Variants in KALRN observed in about 807,000 individuals in gnomAD.
KALRN encodes kalirin.
In KALRN, 70 loss-of-function variants were observed where a neutral mutation model predicts 353.7. That is an observed-to-expected ratio of 0.20 (90% confidence interval 0.16 to 0.24). The LOEUF is 0.24. Among genes scored for constraint, KALRN ranks in the 10% least tolerant of loss-of-function variants. KALRN has a pLI of 1.00. For synonymous variants in KALRN, 1,391 were observed against 1,434.8 expected (o/e 0.97, Z 0.69); for missense variants, 2,791 against 3,756.7 (o/e 0.74, Z 6.72).
At chr3:124,256,992 G>T (rs1315238422) in intron 3 of KALRN, among the ~76,000 whole-genome samples, 1 of 152,160 alleles carries the variant, frequency 6.6e-6, no homozygotes, top group Non-Finnish European at 1.5e-5. Context: ...TTTGCAAAAA[G>T]AACCAGACAT....
At chr3:124,573,430 G>C (rs569984716) in intron 34 of KALRN, among the ~76,000 whole-genome samples, 1 of 152,058 alleles carries the variant, frequency 6.6e-6, no homozygotes, top group Admixed American at 6.5e-5. Flanking sequence ...TGAGTACAGG[G>C]TGTTTCCAGC....
At chr3:124,627,287 G>A (rs1276049602) in intron 34 of KALRN, among the ~76,000 whole-genome samples, 1 of 152,088 alleles carries the variant, frequency 6.6e-6, no homozygotes, top group Non-Finnish European at 1.5e-5. Flanking sequence ...CCATAACTTG[G>A]GCCATGGTTG....
chr3:124,645,843 G>T (rs945914762), intron 37 of KALRN, among the ~76,000 whole-genome samples: 1 of 152,192 alleles, frequency 6.6e-6, no homozygotes, highest in Non-Finnish European at 1.5e-5. Flanking sequence ...TGGGTCATAT[G>T]ATAATTCTAT....
intron 10 of KALRN, among the ~76,000 whole-genome samples, chr3:124,349,261 T>A (rs2082597190): frequency 6.6e-6 from 1 of 152,114 alleles, no homozygotes; most frequent in Non-Finnish European, 1.5e-5. Flanking sequence ...TACTTATACC[T>A]AGAGTAGTGA....
At position 124,495,957 on chromosome 3, in the gene KALRN, G is replaced by GTA. The variant is rs201949824; in HGVS notation, c.4833-352_4833-351dup. ...GACCCGTTCCCAAGTGTGTGTATGT[G>GTA]TATGTATGTATATATATATATATAT... On this transcript the variant is annotated intron_variant, in intron 32 of 59. Coordinates refer to ENST00000682506, the MANE Select transcript of KALRN (RefSeq NM_001388419.1). 1.1e-4 allele frequency among the ~76,000 whole-genome samples: 5 copies of GTA among 44,218 alleles called. 1 individual carries two copies. Among genetic ancestry groups the GTA allele is most frequent in the African/African-American group, 3.5e-4 (4 of 11,476 alleles). 29.0% of individuals were successfully genotyped at this position (44,218 alleles called of 152,430 possible).
At chr3:124,151,479 A>C (rs1377790991) in intron 1 of KALRN, among the ~76,000 whole-genome samples, 2 of 152,154 alleles carry the variant, frequency 1.3e-5, no homozygotes, top group Non-Finnish European at 2.9e-5. Context: ...TTTATTCGCC[A>C]TTTGGATATC....
Position 124,279,467 on chromosome 3 carries a change from G to A in KALRN, c.969+10212G>A, listed in dbSNP as rs544081934. Among the ~76,000 whole-genome samples, 4 of 152,272 alleles carry A rather than the reference G, an allele frequency of 2.6e-5. No homozygotes were observed. In the East Asian group the frequency reaches 5.8e-4, roughly 22 times the overall value. ...AGATGCCTGGGGAGGCTCTCTTGAG[G>A]GGCATGCATGGGGAATACAGCCCCA... On this transcript the variant is annotated intron_variant, in intron 5 of 59. Transcript: ENST00000682506.
At chr3:124,589,374 C>T (rs2713658) in intron 34 of KALRN, among the ~76,000 whole-genome samples, 99,110 of 151,898 alleles carry the variant, frequency 0.65, 33,185 homozygotes, top group East Asian at 0.83. Flanking sequence ...GGCAGGAGGA[C>T]TGTGTGAGCC....
intron 1 of KALRN, among the ~76,000 whole-genome samples, chr3:124,105,864 G>T (rs1287883046): frequency 6.6e-6 from 1 of 152,224 alleles, no homozygotes. Context: ...GAATGTGTTT[G>T]AGGCTGGGGT....
chr3:124,381,854 A>G (rs1442745428), intron 10 of KALRN, among the ~76,000 whole-genome samples: 1 of 152,182 alleles, frequency 6.6e-6, no homozygotes, highest in Admixed American at 6.5e-5. Context: ...CCATGGAGAT[A>G]CATTGTTACT....
At chr3:124,442,660 G>A (rs955098616) in intron 19 of KALRN, among the ~76,000 whole-genome samples, 72 of 152,282 alleles carry the variant, frequency 4.7e-4, no homozygotes, top group African/African-American at 1.6e-3. Context: ...CAGCCACAAT[G>A]ACATCCCTAG....
intron 1 of KALRN, among the ~76,000 whole-genome samples, chr3:124,073,952 A>G (rs1453140936): frequency 6.6e-6 from 1 of 152,176 alleles, no homozygotes; most frequent in African/African-American, 2.4e-5. Flanking sequence ...ATCATGCTAT[A>G]GGATGACTGA....
Position 124,632,569 on chromosome 3 carries a change from C to G in KALRN, c.5332C>G (p.Arg1778Gly). Residue 1778 changes from arginine (R) to glycine (G), a missense_variant, in exon 35 of 60, where the codon CGT becomes GGT. Arg to Gly is a moderately radical substitution (Grantham distance 125). This residue lies in a region of KALRN where 1,065 missense variants were observed against 1,156.4 expected (regional missense o/e 0.92). Transcript: ENST00000682506. Reference sequence around the variant, plus strand: ...TAAGAAGTGGCTGACGAGTCCTGTGCGTCGGCTTAACAGCGGGAAGGCAGA... The same window carrying G: ...TAAGAAGTGGCTGACGAGTCCTGTGGGTCGGCTTAACAGCGGGAAGGCAGA... ...TLKKWLTSPV[R>G]RLNSGKADGN... is the part of the protein sequence containing the mutation. 1 of 1,614,182 alleles carries G rather than the reference C, an allele frequency of 6.2e-7. No homozygotes were observed. The highest frequency in any genetic ancestry group is 8.5e-7 in the Non-Finnish European group (1 of 1,180,038).
chr3:124,316,789 A>G (rs949841043), intron 6 of KALRN, among the ~76,000 whole-genome samples: 1 of 152,256 alleles, frequency 6.6e-6, no homozygotes, highest in African/African-American at 2.4e-5. Context: ...CTCTGAGAAC[A>G]TAGGAATTTT....
At chr3:124,101,250 G>T (rs34318133) in intron 1 of KALRN, among the ~76,000 whole-genome samples, 5 of 152,158 alleles carry the variant, frequency 3.3e-5, no homozygotes, top group African/African-American at 1.2e-4. Context: ...TCTCAGTTCA[G>T]GCTGCTGAGG....
chr3:124,713,930 C>T (rs1316900221), intron 58 of KALRN, among the ~76,000 whole-genome samples: 2 of 152,140 alleles, frequency 1.3e-5, no homozygotes, highest in African/African-American at 4.8e-5. Context: ...TTTTCAACTA[C>T]CATGTTAGTC....
At chr3:124,133,915 G>A (rs2065609779) in intron 1 of KALRN, among the ~76,000 whole-genome samples, 1 of 152,130 alleles carries the variant, frequency 6.6e-6, no homozygotes, top group Admixed American at 6.6e-5. Context: ...CCATGCTCAT[G>A]GATGGGTAGA....
At chr3:124,103,132 G>A (rs1386649025) in intron 1 of KALRN, among the ~76,000 whole-genome samples, 1 of 152,108 alleles carries the variant, frequency 6.6e-6, no homozygotes, top group Non-Finnish European at 1.5e-5. Context: ...GTTAAACTGG[G>A]AGCCCAGCCA....
chr3:124,544,633 T>TATATAG (rs72121470), intron 33 of KALRN, among the ~76,000 whole-genome samples: 3 of 152,088 alleles, frequency 2.0e-5, no homozygotes, highest in East Asian at 1.9e-4. Flanking sequence ...TCTATATATC[T>TATATAG]ATATAGATAT....
Sources: allele counts gnomAD v4.1 joint callset (sites outside exome capture counted in the v4.1 genomes callset), GRCh38; gene constraint gnomAD v4.1.1; regional missense constraint gnomAD v4.1.1; transcripts MANE v1.5; gene names NCBI Gene and HGNC (gene_info 2026-07-23, HGNC 2026-07-21).